CYP39A1: variants seen among roughly 807,000 people sequenced by gnomAD.
The protein encoded by CYP39A1 is 24-hydroxycholesterol 7-alpha-hydroxylase.
CYP39A1 carries 49 observed loss-of-function variants against 58.1 expected under a neutral mutation model. That is an observed-to-expected ratio of 0.84 (90% confidence interval 0.67 to 1.07). CYP39A1 has a LOEUF of 1.07. CYP39A1 is among the 50% of genes least tolerant of loss of function. The pLI, the probability that CYP39A1 is intolerant of heterozygous loss-of-function variation, is 0.00. For missense variants in CYP39A1, 531 were observed against 539.4 expected, an observed-to-expected ratio of 0.98 and a Z score of 0.16; for synonymous variants, 209 against 187.6, an observed-to-expected ratio of 1.11 and a Z score of -0.93.
chr6:46,598,248 C>T (rs548217236), intron 7 of CYP39A1, among the ~76,000 whole-genome samples: 8 of 152,242 alleles, frequency 5.3e-5, no homozygotes, highest in Non-Finnish European at 1.2e-4. Flanking sequence ...CTTTTTGTAA[C>T]ATGGAATCTG....
At chr6:46,606,723 A>T (rs1773868536) in intron 7 of CYP39A1, among the ~76,000 whole-genome samples, 1 of 152,030 alleles carries the variant, frequency 6.6e-6, no homozygotes, top group Non-Finnish European at 1.5e-5. Context: ...CAGAAATAGC[A>T]AAAAAAGTTT....
chr6:46,642,373 C>T (rs1239383125), intron 1 of CYP39A1, 75 bp from the exon 2 acceptor site: 16 of 1,407,088 alleles, frequency 1.1e-5, no homozygotes, highest in Non-Finnish European at 1.5e-5. Context: ...CTCAAGAATC[C>T]TAATGCTGAA....
chr6:46,637,703 G>T (rs1776073285), intron 4 of CYP39A1, 126 bp downstream of exon 4: 4 of 937,692 alleles, frequency 4.3e-6, no homozygotes, highest in Non-Finnish European at 6.5e-6. Flanking sequence ...AAAACAAACA[G>T]GTCATAAGAA....
At chr6:46,641,142 G>A (rs912282824) in intron 2 of CYP39A1, among the ~76,000 whole-genome samples, 6 of 151,926 alleles carry the variant, frequency 3.9e-5, no homozygotes, top group Admixed American at 1.3e-4. Context: ...AGTCCCCAGA[G>A]GAGGCTCAGG....
At chr6:46,611,555 C>A (rs79489381) in intron 7 of CYP39A1, among the ~76,000 whole-genome samples, 3 of 152,294 alleles carry the variant, frequency 2.0e-5, no homozygotes, top group Non-Finnish European at 4.4e-5. Context: ...ATATAAGATT[C>A]TACTCTGAAA....
chr6:46,587,349 T>C (rs1188991563), intron 9 of CYP39A1, among the ~76,000 whole-genome samples, 184 bp from the exon 10 acceptor site: 2 of 152,140 alleles, frequency 1.3e-5, no homozygotes, highest in East Asian at 1.9e-4. Context: ...CATGAACTTA[T>C]AAATAAAAAG....
chr6:46,591,299 T>C (rs750491993), intron 8 of CYP39A1, among the ~76,000 whole-genome samples: 2 of 152,124 alleles, frequency 1.3e-5, no homozygotes, highest in Non-Finnish European at 2.9e-5. Context: ...TTCTTATTGA[T>C]TTGTGTCAGT....
At chr6:46,635,454 T>G (rs1775925958) in intron 5 of CYP39A1, among the ~76,000 whole-genome samples, 2 of 152,154 alleles carry the variant, frequency 1.3e-5, no homozygotes, top group Admixed American at 1.3e-4. Flanking sequence ...CCAGAGTGAT[T>G]CTAATGAGAG....
At chr6:46,648,161 G>C (rs562009025) in intron 1 of CYP39A1, among the ~76,000 whole-genome samples, 1 of 151,908 alleles carries the variant, frequency 6.6e-6, no homozygotes. Context: ...CCCATTACTG[G>C]GTATATACCC....
chr6:46,593,902 G>A (rs1198327206), intron 8 of CYP39A1, among the ~76,000 whole-genome samples: 1 of 152,046 alleles, frequency 6.6e-6, no homozygotes, highest in Non-Finnish European at 1.5e-5. Flanking sequence ...CCTTCACTCA[G>A]CTGCTGCCTC....
At chr6:46,580,767 G>T (rs1003474693) in intron 10 of CYP39A1, among the ~76,000 whole-genome samples, 1 of 152,014 alleles carries the variant, frequency 6.6e-6, no homozygotes, top group South Asian at 2.1e-4. Context: ...ATTACCAATC[G>T]TTAGAGAAAT....
chr6:46,619,550 T>G (rs1387763612), intron 7 of CYP39A1, among the ~76,000 whole-genome samples: 1 of 151,990 alleles, frequency 6.6e-6, no homozygotes, highest in Non-Finnish European at 1.5e-5. Flanking sequence ...GGAAAGTGAC[T>G]TTAGATGGGG....
intron 11 of CYP39A1, among the ~76,000 whole-genome samples, chr6:46,550,743 C>G: frequency 6.6e-6 from 1 of 152,176 alleles, no homozygotes. Context: ...AAGGCTCTTT[C>G]TACAATTCTG....
Position 46,577,552 on chromosome 6 carries a change from C to T in CYP39A1, c.1250+9525G>A, listed in dbSNP as rs544456035. On this transcript the variant is annotated intron_variant, in intron 10 of 11. Coordinates refer to ENST00000275016, the MANE Select transcript of CYP39A1 (RefSeq NM_016593.5). ...GAGGCCCATTTCACATGCAATGACA[C>T]CCAAAGACTCAAGGTAAGGGGATAG... 5.7e-4 allele frequency among the ~76,000 whole-genome samples: 86 copies of T among 152,162 alleles called. 1 individual carries two copies. The South Asian group carries it at 0.017, about 30-fold the overall frequency.
intron 10 of CYP39A1, among the ~76,000 whole-genome samples, chr6:46,581,561 A>T (rs913922513): frequency 1.3e-5 from 2 of 152,220 alleles, no homozygotes; most frequent in African/African-American, 4.8e-5. Flanking sequence ...GAATTAATAC[A>T]GGAACAGAAA....
chr6:46,579,835 C>G (rs1256880129), intron 10 of CYP39A1, among the ~76,000 whole-genome samples: 1 of 151,874 alleles, frequency 6.6e-6, no homozygotes, highest in East Asian at 1.9e-4. Context: ...TTAAAAAACA[C>G]CAAGGAAAGA....
At chr6:46,647,344 A>G (rs764566328) in intron 1 of CYP39A1, among the ~76,000 whole-genome samples, 4 of 152,234 alleles carry the variant, frequency 2.6e-5, no homozygotes, top group Non-Finnish European at 4.4e-5. Flanking sequence ...AAGAGAAAGT[A>G]GATTTTAACT....
intron 6 of CYP39A1, among the ~76,000 whole-genome samples, chr6:46,627,418 ATTTATT>A (rs1228071094): frequency 1.8e-4 from 18 of 101,040 alleles, no homozygotes; most frequent in Admixed American, 8.0e-4. Flanking sequence ...ACTTTTATTT[ATTTATT>A]TTTTTTTTTT....
At chr6:46,595,555 A>G (rs1047280137) in intron 8 of CYP39A1, among the ~76,000 whole-genome samples, 1 of 151,946 alleles carries the variant, frequency 6.6e-6, no homozygotes, top group African/African-American at 2.4e-5. Flanking sequence ...TCAGAAATAG[A>G]GTAGAATGGT....
Sources: allele counts gnomAD v4.1 joint callset (sites outside exome capture counted in the v4.1 genomes callset), GRCh38; gene constraint gnomAD v4.1.1; transcripts MANE v1.5; gene names NCBI Gene and HGNC (gene_info 2026-07-23, HGNC 2026-07-21).